Variants in RAB3C observed in about 807,000 individuals in gnomAD.
The protein encoded by RAB3C is RAB3C, member RAS oncogene family, also known as ras-related protein Rab-3C.
RAB3C carries 17 observed loss-of-function variants against 26.4 expected under a neutral mutation model. That is an observed-to-expected ratio of 0.64 (90% CI 0.44 to 0.97). The LOEUF is 0.97. Ranked by LOEUF, RAB3C falls within the 50% of genes least tolerant of loss-of-function variation. RAB3C has a pLI of 0.00. For missense variants in RAB3C, 242 were observed against 281.9 expected (o/e 0.86, Z 1.01); for synonymous variants, 91 against 95.9 (o/e 0.95, Z 0.30).
rs551000524 is a variant in RAB3C at position 58,677,287 on chromosome 5, G to A, written c.253-48715G>A. The stretch of plus-strand genomic sequence containing the variant: ...ACTTCAAAATAGGGTTATATTCTGA[G>A]GCACTGGCAACTAGGATTTGAGCAT... On this transcript the variant is annotated intron_variant, in intron 2 of 4. Transcript: ENST00000282878. Among the ~76,000 whole-genome samples the A allele has an allele frequency of 2.0e-4, 31 of 152,266 alleles. No homozygotes were observed. In the South Asian group the frequency reaches 5.2e-3, roughly 25 times the overall value.
intron 2 of RAB3C, among the ~76,000 whole-genome samples, chr5:58,661,359 A>T (rs1197521642): frequency 1.3e-5 from 2 of 150,002 alleles, no homozygotes; most frequent in African/African-American, 2.5e-5. Flanking sequence ...ATACATTTCC[A>T]TGTTTATAAT....
At chr5:58,648,513 T>G (rs1013496142) in intron 2 of RAB3C, among the ~76,000 whole-genome samples, 2 of 152,138 alleles carry the variant, frequency 1.3e-5, no homozygotes, top group Non-Finnish European at 2.9e-5. Context: ...TGCTTCAAAA[T>G]GTAATGAAGT....
chr5:58,584,372 G>A (rs1745968938), intron 1 of RAB3C, among the ~76,000 whole-genome samples: 2 of 152,164 alleles, frequency 1.3e-5, no homozygotes, highest in African/African-American at 4.8e-5. Flanking sequence ...TTATATAAGG[G>A]AAGTCCTCAA....
intron 1 of RAB3C, among the ~76,000 whole-genome samples, chr5:58,592,230 G>C (rs1024923876): frequency 6.6e-6 from 1 of 151,888 alleles, no homozygotes; most frequent in Non-Finnish European, 1.5e-5. Flanking sequence ...GTGTATCTTT[G>C]TGTATTTTTG....
intron 2 of RAB3C, among the ~76,000 whole-genome samples, chr5:58,645,839 T>A (rs1350590813): frequency 6.6e-6 from 1 of 152,104 alleles, no homozygotes; most frequent in East Asian, 1.9e-4. Context: ...GAAGTGGACC[T>A]GGGGCCCACA....
chr5:58,728,473 C>G (rs1398268789), intron 3 of RAB3C, among the ~76,000 whole-genome samples: 1 of 152,008 alleles, frequency 6.6e-6, no homozygotes, highest in Non-Finnish European at 1.5e-5. Flanking sequence ...AGTCTTTTAT[C>G]TTTTCTCCTT....
At chr5:58,819,709 T>C (rs568024757) in intron 3 of RAB3C, among the ~76,000 whole-genome samples, 2 of 111,082 alleles carry the variant, frequency 1.8e-5, no homozygotes, top group African/African-American at 6.2e-5. Context: ...ATCCTGTCTC[T>C]ACTTAAAAAA....
intron 1 of RAB3C, among the ~76,000 whole-genome samples, chr5:58,595,885 C>G (rs1746236756): frequency 6.6e-6 from 1 of 152,062 alleles, no homozygotes; most frequent in Non-Finnish European, 1.5e-5. Flanking sequence ...CATTTTGTTG[C>G]TAAGAGAGAG....
chr5:58,597,130 A>ATTATATGATAT (rs1170143079), intron 1 of RAB3C, among the ~76,000 whole-genome samples: 1 of 2,558 alleles, frequency 3.9e-4, no homozygotes, highest in Non-Finnish European at 6.7e-4. Flanking sequence ...CATAATATAT[A>ATTATATGATAT]ATATAATAAT....
At chr5:58,726,598 A>G (rs891075706) in intron 3 of RAB3C, among the ~76,000 whole-genome samples, 2 of 151,918 alleles carry the variant, frequency 1.3e-5, no homozygotes, top group African/African-American at 4.8e-5. Flanking sequence ...CAGAAACCAT[A>G]TTGCCGGTAA....
chr5:58,603,277 G>A (rs1746495804), intron 1 of RAB3C, among the ~76,000 whole-genome samples: 1 of 152,154 alleles, frequency 6.6e-6, no homozygotes, highest in Non-Finnish European at 1.5e-5. Flanking sequence ...TGAATAACCT[G>A]ATGACAATGT....
chr5:58,621,596 G>C (rs774510575), intron 2 of RAB3C, among the ~76,000 whole-genome samples: 4 of 152,104 alleles, frequency 2.6e-5, no homozygotes, highest in Non-Finnish European at 5.9e-5. Flanking sequence ...ATTTTTTTGA[G>C]AAGGAGTCTC....
chr5:58,739,830 A>G (rs1741238542), intron 3 of RAB3C, among the ~76,000 whole-genome samples: 1 of 152,224 alleles, frequency 6.6e-6, no homozygotes, highest in Admixed American at 6.5e-5. Context: ...TTTAAAGCCT[A>G]TTGTATCCTA....
At position 58,854,740 on chromosome 5, in the gene RAB3C, G is replaced by T; in HGVS notation, c.*3389G>T. 1 of 152,236 alleles carries T rather than the reference G, an allele frequency of 6.6e-6. No individual in the cohort carries two copies. Among genetic ancestry groups the T allele is most frequent in the South Asian group, 2.1e-4 (1 of 4,826 alleles). The allele number at this position is 152,236 out of a possible 1,614,324, so 9.4% of individuals were successfully genotyped here. Reference sequence around the variant, plus strand: ...GATTTTTACTTGGAAAGAAAACTATGACAATGCCTTCAGTTGTAGCAGAAA... The same window carrying T: ...GATTTTTACTTGGAAAGAAAACTATTACAATGCCTTCAGTTGTAGCAGAAA... On this transcript the variant is annotated 3_prime_UTR_variant, in exon 5 of 5. Coordinates refer to ENST00000282878, the MANE Select transcript of RAB3C (RefSeq NM_138453.4).
At chr5:58,585,198 T>C (rs913080481) in intron 1 of RAB3C, among the ~76,000 whole-genome samples, 1 of 152,040 alleles carries the variant, frequency 6.6e-6, no homozygotes, top group Non-Finnish European at 1.5e-5. Context: ...ATTTAACTAA[T>C]AAATTGTTGT....
rs550237454 is a variant in RAB3C, at chr5:58,587,608, A to G, written c.24+4376A>G. 3.3e-5 allele frequency among the ~76,000 whole-genome samples: 5 copies of G among 152,342 alleles called. No individual in the cohort carries two copies. The East Asian group carries it at 9.6e-4, about 29-fold the overall frequency. On this transcript the variant is annotated intron_variant, in intron 1 of 4. Coordinates refer to ENST00000282878, the MANE Select transcript of RAB3C (RefSeq NM_138453.4). ...ATATACATTGAAATGCACAAATCTT[A>G]AGTGAACAATTTGATAAATTTTGAC...
Position 58,583,125 on chromosome 5 carries a change from G to A in RAB3C, c.-84G>A. 1 of 1,607,304 alleles carries A rather than the reference G, an allele frequency of 6.2e-7. No homozygotes were observed. Among genetic ancestry groups the A allele is most frequent in the East Asian group, 2.2e-5 (1 of 44,756 alleles). Reference sequence around the variant, plus strand: ...GAACCCCAAGAGTGCAGAGTGTGGAGCGTGGAGCGCCGGGACTGTGCACGC... The same window carrying A: ...GAACCCCAAGAGTGCAGAGTGTGGAACGTGGAGCGCCGGGACTGTGCACGC... On this transcript the variant is annotated 5_prime_UTR_variant, in exon 1 of 5. Transcript: ENST00000282878.
At chr5:58,834,214 T>C (rs1273123464) in intron 4 of RAB3C, among the ~76,000 whole-genome samples, 3 of 152,206 alleles carry the variant, frequency 2.0e-5, no homozygotes, top group Non-Finnish European at 4.4e-5. Flanking sequence ...TTGCCAAGGA[T>C]CATTTAGTAA....
intron 3 of RAB3C, among the ~76,000 whole-genome samples, chr5:58,743,228 C>G (rs1741313233): frequency 6.6e-6 from 1 of 152,120 alleles, no homozygotes; most frequent in Non-Finnish European, 1.5e-5. Flanking sequence ...TCTAATGTAC[C>G]TGGCATCATG....
Sources: allele counts gnomAD v4.1 joint callset (sites outside exome capture counted in the v4.1 genomes callset), GRCh38; gene constraint gnomAD v4.1.1; transcripts MANE v1.5; gene names NCBI Gene and HGNC (gene_info 2026-07-23, HGNC 2026-07-21).